DCAF8L2: variants seen among roughly 807,000 people sequenced by gnomAD.
DCAF8L2 encodes DDB1 and CUL4 associated factor 8 like 2, also known as DDB1- and CUL4-associated factor 8-like protein 2.
For missense variants in DCAF8L2, 430 were observed against 490.7 expected (o/e 0.88, Z 1.17); for synonymous variants, 200 against 190.9 (o/e 1.05, Z -0.39).
At chrX:27,639,759 G>A (rs1399718147) in intron 2 of DCAF8L2, among the ~76,000 whole-genome samples, 1 of 110,357 alleles carries the variant, frequency 9.1e-6, no homozygotes, top group African/African-American at 3.3e-5. Flanking sequence ...ACATCCACAG[G>A]CTCTGTTATA....
the DCAF8L2 span, among the ~76,000 whole-genome samples, chrX:27,567,545 G>GCATATATA: frequency 8.6e-5 from 1 of 11,629 alleles, no homozygotes; most frequent in Non-Finnish European, 1.6e-4. Flanking sequence ...CACCACTGTA[G>GCATATATA]CATATATATA....
At chrX:27,732,493 CGTGT>C (rs139652032) in intron 4 of DCAF8L2, among the ~76,000 whole-genome samples, 21 of 84,123 alleles carry the variant, frequency 2.5e-4, no homozygotes, top group South Asian at 2.0e-3. Context: ...TGTGTGTGCG[CGTGT>C]GTGTGTGTGT....
Position 27,747,461 on chromosome X carries a change from T to C in DCAF8L2, c.566T>C (p.Val189Ala). Reference sequence around the variant, plus strand: ...GCCCTGCCCCGACCTCGCTGGCAGGTCGTTACTGCTCTTCACCAGCGGCAG... The same window carrying C: ...GCCCTGCCCCGACCTCGCTGGCAGGCCGTTACTGCTCTTCACCAGCGGCAG... ...TSALPRPRWQVVTALHQRQLG... is the reference protein window; with the variant it reads ...TSALPRPRWQAVTALHQRQLG... Residue 189 changes from valine (V) to alanine (A), a missense_variant, in exon 5 of 5, where the codon GTC (valine) becomes GCC (alanine). Coordinates refer to ENST00000451261, the MANE Select transcript of DCAF8L2 (RefSeq NM_001353450.2). The C allele has an allele frequency of 8.5e-7, 1 of 1,174,961 alleles. No individual in the cohort carries two copies. Among genetic ancestry groups the C allele is most frequent in the Non-Finnish European group, 1.1e-6 (1 of 876,757 alleles).
chrX:27,522,438 A>T, the DCAF8L2 span, among the ~76,000 whole-genome samples: 9 of 111,874 alleles, frequency 8.0e-5, no homozygotes, highest in Admixed American at 9.5e-5. Context: ...TATTGTTATA[A>T]TTTTTTTATT....
At chrX:27,490,729 G>A in the DCAF8L2 span, among the ~76,000 whole-genome samples, 145 of 111,160 alleles carry the variant, frequency 1.3e-3, no homozygotes, top group African/African-American at 4.5e-3. Flanking sequence ...CAAAGTGCTG[G>A]GATTACAGGT....
At chrX:27,652,530 G>C (rs1255582928) in intron 2 of DCAF8L2, among the ~76,000 whole-genome samples, 1 of 111,699 alleles carries the variant, frequency 9.0e-6, no homozygotes, top group Non-Finnish European at 1.9e-5. Context: ...AACTTTGCCG[G>C]ATTTTTATGT....
chrX:27,486,541 A>G, the DCAF8L2 span, among the ~76,000 whole-genome samples: 1 of 111,783 alleles, frequency 8.9e-6, no homozygotes, highest in Non-Finnish European at 1.9e-5. Context: ...CCAATTTTAA[A>G]TGTTCAGTTC....
At chrX:27,725,728 TATAA>T (rs1374465907) in intron 4 of DCAF8L2, among the ~76,000 whole-genome samples, 2 of 109,954 alleles carry the variant, frequency 1.8e-5, no homozygotes, top group Non-Finnish European at 3.8e-5. Flanking sequence ...CAAATTAAAT[TATAA>T]ATAAATAATA....
rs766478913 is a variant in DCAF8L2 at position 27,747,326 on chromosome X, A to AGGG, written c.433_434insGGG (p.Glu144_Glu145insGly). On this transcript the variant is annotated inframe_insertion, in exon 5 of 5. Transcript: ENST00000451261. ...GAGGAGGAGGAGGAGGAGGAGGAGG[A>AGGG]GGAAGAAGAACAGCCTCGGGCGGGT... 1.1e-5 allele frequency: 13 copies of AGGG among 1,145,663 alleles called. 1 individual carries two copies. In the South Asian group the frequency reaches 2.2e-4, roughly 20 times the overall value. The allele number at this position is 1,145,663 out of a possible 1,213,427, so 94.4% of individuals were successfully genotyped here.
At chrX:27,513,158 G>T in the DCAF8L2 span, among the ~76,000 whole-genome samples, 1 of 111,458 alleles carries the variant, frequency 9.0e-6, no homozygotes, top group Non-Finnish European at 1.9e-5. Context: ...AAACATAGAG[G>T]AAACTCTTCA....
intron 1 of DCAF8L2, among the ~76,000 whole-genome samples, chrX:27,606,290 T>TTA (rs1306815647): frequency 2.5e-5 from 2 of 81,306 alleles, no homozygotes; most frequent in Non-Finnish European, 4.6e-5. Flanking sequence ...TATATAGGAA[T>TTA]TATATATATA....
chrX:27,515,110 A>G, the DCAF8L2 span, among the ~76,000 whole-genome samples: 1 of 112,236 alleles, frequency 8.9e-6, no homozygotes, highest in African/African-American at 3.2e-5. Context: ...TATAATATAT[A>G]CATGCATTGA....
Position 27,725,889 on chromosome X carries a change from G to A in DCAF8L2, c.-59+9718G>A, listed in dbSNP as rs80217567. Among the ~76,000 whole-genome samples, 299 of 110,321 alleles carry A rather than the reference G, an allele frequency of 2.7e-3. 3 individuals are homozygous for A. The East Asian group carries it at 0.036, about 13-fold the overall frequency. On this transcript the variant is annotated intron_variant, in intron 4 of 4. Transcript: ENST00000451261. ...ATATCTATAAATATAAATCAGAACCGCTGTTAAAAAATAAAACACTGCAAA... is the reference window on the plus strand; with the variant it reads ...ATATCTATAAATATAAATCAGAACCACTGTTAAAAAATAAAACACTGCAAA...
chrX:27,512,798 A>C, the DCAF8L2 span, among the ~76,000 whole-genome samples: 9 of 97,638 alleles, frequency 9.2e-5, no homozygotes, highest in Non-Finnish European at 1.8e-4. Flanking sequence ...AAAAAAAAAA[A>C]AAAAAAAAAA....
At chrX:27,525,155 G>T in the DCAF8L2 span, among the ~76,000 whole-genome samples, 1 of 111,344 alleles carries the variant, frequency 9.0e-6, no homozygotes, top group Non-Finnish European at 1.9e-5. Flanking sequence ...TTATTATTGT[G>T]TGGGAGTCTA....
chrX:27,585,077 G>A, the DCAF8L2 span, among the ~76,000 whole-genome samples: 2 of 109,868 alleles, frequency 1.8e-5, no homozygotes, highest in South Asian at 4.0e-4. Flanking sequence ...TATTTGAGGT[G>A]AACTAAAAAA....
chrX:27,519,740 A>G, the DCAF8L2 span: 1 of 563,760 alleles, frequency 1.8e-6, no homozygotes, highest in Admixed American at 2.2e-5. Flanking sequence ...TTAAGTTCAG[A>G]ATTAGCCCAA....
intron 3 of DCAF8L2, among the ~76,000 whole-genome samples, chrX:27,712,066 G>T (rs1405709067): frequency 9.0e-6 from 1 of 111,026 alleles, no homozygotes; most frequent in Non-Finnish European, 1.9e-5. Context: ...TCAAGATATT[G>T]GGATTTTCTT....
intron 1 of DCAF8L2, among the ~76,000 whole-genome samples, chrX:27,619,048 T>TATC (rs1555919665): frequency 9.6e-6 from 1 of 104,004 alleles, no homozygotes; most frequent in African/African-American, 3.5e-5. Flanking sequence ...TCTATCTATC[T>TATC]TATATCTATC....
Sources: gnomAD v4.1 joint callset for allele counts (sites outside exome capture counted in the v4.1 genomes callset) on GRCh38, gnomAD v4.1.1 for gene constraint, MANE v1.5 for transcripts, NCBI Gene and HGNC (gene_info 2026-07-23, HGNC 2026-07-21) for gene names.